Variants in GRM7 observed in about 807,000 individuals in gnomAD.
GRM7 encodes the protein glutamate metabotropic receptor 7.
In GRM7, 35 loss-of-function variants were observed where a neutral mutation model predicts 84.5. The ratio of observed to expected loss-of-function variants is 0.41; its 90% confidence interval spans 0.32 to 0.55. The LOEUF is 0.55. Among genes scored for constraint, GRM7 ranks in the 20% least tolerant of loss-of-function variants. GRM7 has a pLI of 0.19. For synonymous variants in GRM7, 487 were observed against 455.1 expected, an observed-to-expected ratio of 1.07 and a Z score of -0.89; for missense variants, 1,003 against 1,194.6, an observed-to-expected ratio of 0.84 and a Z score of 2.36.
At chr3:7,375,594 G>A (rs1186023698) in intron 4 of GRM7, among the ~76,000 whole-genome samples, 3 of 151,990 alleles carry the variant, frequency 2.0e-5, no homozygotes, top group African/African-American at 7.2e-5. Flanking sequence ...CCTATCACAT[G>A]CCCATGCCCT....
chr3:6,970,371 A>G (rs1693701497), intron 1 of GRM7, among the ~76,000 whole-genome samples: 1 of 152,234 alleles, frequency 6.6e-6, no homozygotes, highest in South Asian at 2.1e-4. Context: ...ATGTGTTTAA[A>G]TGGTTCAGGA....
intron 8 of GRM7, among the ~76,000 whole-genome samples, chr3:7,590,499 C>T (rs1051901913): frequency 4.6e-5 from 7 of 152,070 alleles, no homozygotes; most frequent in East Asian, 1.9e-4. Flanking sequence ...ATTTATAAAC[C>T]GGAACTTTAC....
chr3:7,487,967 T>C (rs1351406424), intron 7 of GRM7, among the ~76,000 whole-genome samples: 1 of 152,072 alleles, frequency 6.6e-6, no homozygotes, highest in Non-Finnish European at 1.5e-5. Context: ...GGGGAGGAGC[T>C]GTCTGATTCC....
At chr3:7,377,740 C>A (rs1694414628) in intron 4 of GRM7, among the ~76,000 whole-genome samples, 1 of 152,062 alleles carries the variant, frequency 6.6e-6, no homozygotes, top group African/African-American at 2.4e-5. Context: ...CTTCAAGCAG[C>A]AACTTGGAAA....
chr3:7,571,222 T>C (rs898793346), intron 7 of GRM7, among the ~76,000 whole-genome samples: 7 of 152,206 alleles, frequency 4.6e-5, no homozygotes, highest in Non-Finnish European at 1.0e-4. Flanking sequence ...TCATTACTTA[T>C]GAAAATTTCT....
At chr3:7,252,972 G>A (rs1244811436) in intron 2 of GRM7, among the ~76,000 whole-genome samples, 1 of 140,136 alleles carries the variant, frequency 7.1e-6, no homozygotes, top group Non-Finnish European at 1.5e-5. Context: ...TTACAGACAG[G>A]AGCCACTGCC....
At chr3:7,263,190 CTG>C (rs967905172) in intron 2 of GRM7, among the ~76,000 whole-genome samples, 30 of 152,182 alleles carry the variant, frequency 2.0e-4, no homozygotes, top group African/African-American at 7.2e-4. Flanking sequence ...TTTTAGGAGA[CTG>C]AGCCTCAGCT....
intron 1 of GRM7, among the ~76,000 whole-genome samples, chr3:7,063,222 C>T (rs888974904): frequency 1.1e-4 from 16 of 151,746 alleles, no homozygotes; most frequent in African/African-American, 3.6e-4. Flanking sequence ...GATACCACAT[C>T]GCCAATCCAA....
chr3:7,350,345 C>T (rs958088838), intron 4 of GRM7, among the ~76,000 whole-genome samples: 2 of 151,966 alleles, frequency 1.3e-5, no homozygotes, highest in Non-Finnish European at 2.9e-5. Context: ...GGTGGTTTCT[C>T]ATGATTTAAC....
intron 7 of GRM7, among the ~76,000 whole-genome samples, chr3:7,528,737 G>T (rs187708538): frequency 6.6e-6 from 1 of 151,910 alleles, no homozygotes; most frequent in Admixed American, 6.6e-5. Flanking sequence ...TTTTTGTAAA[G>T]ATTTTTTTTT....
chr3:7,498,881 C>T (rs1337514568), intron 7 of GRM7, among the ~76,000 whole-genome samples: 1 of 152,208 alleles, frequency 6.6e-6, no homozygotes, highest in African/African-American at 2.4e-5. Context: ...TTGGCTGCCT[C>T]CTTCCACTGG....
Position 7,631,662 on chromosome 3 carries a change from G to A in GRM7, c.2452-48387G>A, listed in dbSNP as rs552607185. On this transcript the variant is annotated intron_variant, in intron 8 of 9. Coordinates refer to ENST00000357716, the MANE Select transcript of GRM7 (RefSeq NM_000844.4). Reference sequence around the variant, plus strand: ...CCAGATAATTCATGGGAGGGAAGGAGAACCATCCTGTGCATTGTAGGATAT... The same window carrying A: ...CCAGATAATTCATGGGAGGGAAGGAAAACCATCCTGTGCATTGTAGGATAT... 3.3e-5 allele frequency among the ~76,000 whole-genome samples: 5 copies of A among 152,202 alleles called. No individual in the cohort carries two copies. In the South Asian group the frequency reaches 1.0e-3, roughly 32 times the overall value.
chr3:6,977,350 CGTGTGTGTGTTTGTCT>C (rs1694039856), intron 1 of GRM7, among the ~76,000 whole-genome samples: 1 of 151,520 alleles, frequency 6.6e-6, no homozygotes. Flanking sequence ...GTTAAGCTGG[CGTGTGTGTGTTTGTCT>C]GTGTGTGTGT....
intron 2 of GRM7, among the ~76,000 whole-genome samples, chr3:7,295,523 T>G (rs1454771683): frequency 6.6e-6 from 1 of 152,146 alleles, no homozygotes; most frequent in Non-Finnish European, 1.5e-5. Flanking sequence ...AAAAATAAAA[T>G]AAAATAAAAT....
chr3:7,461,060 C>A (rs1020794199), intron 6 of GRM7, among the ~76,000 whole-genome samples: 2 of 152,094 alleles, frequency 1.3e-5, no homozygotes, highest in African/African-American at 4.8e-5. Flanking sequence ...TAGAAATAAC[C>A]AGCAAAAACA....
At chr3:7,197,535 GT>G (rs1338194005) in intron 2 of GRM7, among the ~76,000 whole-genome samples, 1 of 152,012 alleles carries the variant, frequency 6.6e-6, no homozygotes, top group Non-Finnish European at 1.5e-5. Context: ...CTAAAAGATT[GT>G]TAATTGTTCA....
intron 4 of GRM7, among the ~76,000 whole-genome samples, chr3:7,368,447 CA>C: frequency 6.6e-6 from 1 of 152,136 alleles, no homozygotes; most frequent in Middle Eastern, 3.4e-3. Context: ...AAATGAGACT[CA>C]CATAATTTCA....
Position 7,694,773 on chromosome 3 carries a change from C to G in GRM7, c.2698+14478C>G, listed in dbSNP as rs184708853. On this transcript the variant is annotated intron_variant, in intron 9 of 9. Coordinates refer to ENST00000357716, the MANE Select transcript of GRM7 (RefSeq NM_000844.4). The stretch of plus-strand genomic sequence containing the variant: ...AGTACTCAGATATTTAAGGAAACAC[C>G]AATGACCAATTTTAAAAAGTCCTAT... Among the ~76,000 whole-genome samples the G allele has an allele frequency of 3.3e-3, 502 of 152,194 alleles. 1 individual carries two copies. The highest frequency in any genetic ancestry group is 0.017 in the Middle Eastern group (5 of 294).
At chr3:7,424,211 G>A (rs1354820281) in intron 5 of GRM7, among the ~76,000 whole-genome samples, 1 of 151,976 alleles carries the variant, frequency 6.6e-6, no homozygotes, top group Non-Finnish European at 1.5e-5. Context: ...TAGGGATAGA[G>A]GGCGCTCAAC....
Sources: allele counts gnomAD v4.1 joint callset (sites outside exome capture counted in the v4.1 genomes callset), GRCh38; gene constraint gnomAD v4.1.1; transcripts MANE v1.5; gene names NCBI Gene and HGNC (gene_info 2026-07-23, HGNC 2026-07-21).